The following DENND5B variants were observed in gnomAD, a reference collection of about 807,000 sequenced individuals.
DENND5B encodes the protein DENN domain containing 5B.
Under a neutral mutation model 140.6 loss-of-function variants are expected in DENND5B, and 34 were observed. The observed-to-expected ratio is 0.24, with a 90% confidence interval of 0.18 to 0.32. DENND5B has a LOEUF of 0.32. Ranked by LOEUF, DENND5B falls within the 10% of genes least tolerant of loss-of-function variation. DENND5B has a pLI of 1.00. For missense variants in DENND5B, 1,142 were observed against 1,560.2 expected, an observed-to-expected ratio of 0.73 and a Z score of 4.52; for synonymous variants, 551 against 562.1, an observed-to-expected ratio of 0.98 and a Z score of 0.28.
At chr12:31,407,631 TG>T (rs1454042560) in intron 14 of DENND5B, among the ~76,000 whole-genome samples, 2 of 152,188 alleles carry the variant, frequency 1.3e-5, no homozygotes, top group Non-Finnish European at 2.9e-5. Flanking sequence ...TGAGATTTTT[TG>T]GAAAATTATG....
At chr12:31,432,913 C>T in intron 8 of DENND5B, 1 of 419,960 alleles carries the variant, frequency 2.4e-6, no homozygotes, top group Non-Finnish European at 4.2e-6. Context: ...TTGATCTTTA[C>T]TTGATGTAAT....
chr12:31,583,309 AG>A lies in DENND5B; in HGVS notation c.127+7396del, dbSNP rs1465823530. ...TCAGTCTTTTAAAAAAAAAAAAAAAAGAGAGAGAGAGAGAAAAGAATGCCTA... is the reference window on the plus strand; with the variant it reads ...TCAGTCTTTTAAAAAAAAAAAAAAAAAGAGAGAGAGAGAAAAGAATGCCTA... On this transcript the variant is annotated intron_variant, in intron 1 of 20. Coordinates refer to ENST00000389082, the MANE Select transcript of DENND5B (RefSeq NM_144973.4). Among the ~76,000 whole-genome samples the A allele has an allele frequency of 3.7e-4, 11 of 29,468 alleles. No individual in the cohort carries two copies. In the South Asian group the frequency reaches 6.8e-3, roughly 18 times the overall value. The allele number at this position is 29,468 out of a possible 152,430, so 19.3% of individuals were successfully genotyped here.
At chr12:31,420,968 G>A (rs1445716134) in intron 11 of DENND5B, among the ~76,000 whole-genome samples, 2 of 152,146 alleles carry the variant, frequency 1.3e-5, no homozygotes, top group African/African-American at 2.4e-5. Context: ...TGCTGCTTCT[G>A]AAGACTCATG....
intron 4 of DENND5B, among the ~76,000 whole-genome samples, chr12:31,453,444 T>C (rs186462722): frequency 1.1e-4 from 16 of 152,362 alleles, no homozygotes; most frequent in Admixed American, 3.3e-4. Flanking sequence ...CTCAGGTATC[T>C]GTAGTAGACT....
At chr12:31,544,117 T>C (rs938497195) in intron 1 of DENND5B, among the ~76,000 whole-genome samples, 3 of 152,140 alleles carry the variant, frequency 2.0e-5, no homozygotes, top group Admixed American at 1.3e-4. Flanking sequence ...TGAGCTGAGA[T>C]TGTACCACTG....
chr12:31,409,474 CTTTT>C (rs139434599), intron 13 of DENND5B, 90 bp from the exon 14 acceptor site: 1,410 of 283,864 alleles, frequency 5.0e-3, no homozygotes, highest in South Asian at 8.7e-3. Context: ...TTCATTATGT[CTTTT>C]TTTTTTTTTT....
chr12:31,490,903 A>G (rs1946500316), intron 2 of DENND5B, among the ~76,000 whole-genome samples: 1 of 152,180 alleles, frequency 6.6e-6, no homozygotes, highest in Admixed American at 6.5e-5. Flanking sequence ...TAAGAGCTTT[A>G]TAATAGTTAT....
intron 11 of DENND5B, among the ~76,000 whole-genome samples, chr12:31,417,058 T>G (rs1400818193): frequency 1.8e-5 from 2 of 111,740 alleles, no homozygotes; most frequent in African/African-American, 6.3e-5. Context: ...AGACTGTCTC[T>G]GAAAAAAAAA....
At chr12:31,391,178 T>C (rs1941122232) in intron 19 of DENND5B, among the ~76,000 whole-genome samples, 1 of 152,102 alleles carries the variant, frequency 6.6e-6, no homozygotes, top group South Asian at 2.1e-4. Flanking sequence ...ATCTCCTACT[T>C]TCTCTCTCTT....
At chr12:31,389,285 T>A in intron 20 of DENND5B, 39 bp downstream of exon 20, 1 of 1,578,322 alleles carries the variant, frequency 6.3e-7, no homozygotes, top group South Asian at 1.2e-5. Flanking sequence ...TAGTTCAACA[T>A]GTGACAAAGA....
intron 14 of DENND5B, among the ~76,000 whole-genome samples, chr12:31,404,532 C>T (rs556321527): frequency 6.6e-6 from 1 of 152,182 alleles, no homozygotes; most frequent in Non-Finnish European, 1.5e-5. Flanking sequence ...TGGCTCACTG[C>T]AACCTCTGCC....
chr12:31,471,877 C>G (rs1455801760), intron 3 of DENND5B, among the ~76,000 whole-genome samples: 1 of 152,086 alleles, frequency 6.6e-6, no homozygotes, highest in African/African-American at 2.4e-5. Flanking sequence ...CAGCCAGTCT[C>G]AAGGACTGGA....
rs778094777 is a variant in DENND5B, at chr12:31,386,326, T to G, written c.*1277A>C. 6.5e-6 allele frequency: 1 copy of G among 154,822 alleles called. No individual in the cohort carries two copies. The highest frequency in any genetic ancestry group is 1.5e-5 in the Non-Finnish European group (1 of 68,224). 9.6% of individuals were successfully genotyped at this position (154,822 alleles called of 1,614,324 possible). A position where few individuals can be genotyped will look rare whatever the true frequency, so the allele number is the denominator to read the frequency against. On this transcript the variant is annotated 3_prime_UTR_variant, in exon 21 of 21. Transcript: ENST00000389082. ...CTAGCCAATACTACATTTACTTAAC[T>G]TCTTTATAAACTATCAAACTGGAAA...
intron 1 of DENND5B, among the ~76,000 whole-genome samples, chr12:31,515,357 T>C (rs1315577148): frequency 6.6e-6 from 1 of 152,214 alleles, no homozygotes; most frequent in Non-Finnish European, 1.5e-5. Context: ...ATACTGAAAT[T>C]ATGTTTAAAT....
chr12:31,445,253 T>A (rs1944226490), intron 6 of DENND5B, among the ~76,000 whole-genome samples: 1 of 152,226 alleles, frequency 6.6e-6, no homozygotes, highest in Non-Finnish European at 1.5e-5. Flanking sequence ...AATGAACAGC[T>A]AACATGATGT....
intron 1 of DENND5B, among the ~76,000 whole-genome samples, chr12:31,525,227 A>G (rs1948044099): frequency 6.6e-6 from 1 of 152,246 alleles, no homozygotes; most frequent in Non-Finnish European, 1.5e-5. Flanking sequence ...ATGTCTGTCC[A>G]TGCAAAAATC....
At position 31,391,529 on chromosome 12, in the gene DENND5B, T is replaced by C. The variant is rs145018664; in HGVS notation, c.3466+738A>G. 1.3e-3 allele frequency among the ~76,000 whole-genome samples: 200 copies of C among 152,350 alleles called. 1 individual carries two copies. The highest frequency in any genetic ancestry group is 4.3e-3 in the African/African-American group (178 of 41,586). On this transcript the variant is annotated intron_variant, in intron 19 of 20. Coordinates refer to ENST00000389082, the MANE Select transcript of DENND5B (RefSeq NM_144973.4). ...GACCTGAGTATAAGTTTGTCAACCA[T>C]AGGATTTCTGTTTTGTTTACTAATG... is the stretch of plus-strand genomic sequence containing the variant.
At chr12:31,498,938 A>G (rs569096770) in intron 1 of DENND5B, among the ~76,000 whole-genome samples, 2 of 141,330 alleles carry the variant, frequency 1.4e-5, no homozygotes, top group African/African-American at 5.3e-5. Flanking sequence ...ACACCACCGC[A>G]CTCTAGCCTG....
At chr12:31,531,847 A>G (rs1051648364) in intron 1 of DENND5B, among the ~76,000 whole-genome samples, 2 of 152,334 alleles carry the variant, frequency 1.3e-5, no homozygotes, top group African/African-American at 4.8e-5. Flanking sequence ...CTGGCCTAGA[A>G]GTAAAATCAG....
Sources: allele counts gnomAD v4.1 joint callset (sites outside exome capture counted in the v4.1 genomes callset), GRCh38; gene constraint gnomAD v4.1.1; transcripts MANE v1.5; gene names NCBI Gene and HGNC (gene_info 2026-07-23, HGNC 2026-07-21).